The following LRRC4C variants were observed in gnomAD, a reference collection of about 807,000 sequenced individuals.
The protein encoded by LRRC4C is leucine-rich repeat-containing protein 4C.
Under a neutral mutation model 33.6 loss-of-function variants are expected in LRRC4C, and 5 were observed. The ratio of observed to expected loss-of-function variants is 0.15; its 90% CI spans 0.08 to 0.31. The LOEUF (loss-of-function observed/expected upper bound fraction) is 0.31, where lower values mean the gene tolerates loss of function less well. LRRC4C is among the 10% of genes least tolerant of loss of function. The probability of loss-of-function intolerance (pLI) is 1.00; values close to 1 mark genes in which losing one functional copy is unlikely to be tolerated. For missense variants in LRRC4C, 560 were observed against 796.7 expected (o/e 0.70, Z 3.58); for synonymous variants, 329 against 302.0 (o/e 1.09, Z -0.93).
At chr11:41,440,338 C>T (rs1399976353) in intron 1 of LRRC4C, among the ~76,000 whole-genome samples, 2 of 152,076 alleles carry the variant, frequency 1.3e-5, no homozygotes, top group South Asian at 4.1e-4. Flanking sequence ...AAATTACTGA[C>T]ATGGCATAAT....
chr11:40,729,919 T>C (rs919426719), intron 2 of LRRC4C, among the ~76,000 whole-genome samples: 3 of 152,146 alleles, frequency 2.0e-5, no homozygotes, highest in Non-Finnish European at 4.4e-5. Context: ...TGGAATACTA[T>C]GCAGCCATAA....
At chr11:41,346,610 T>A (rs542045040) in intron 1 of LRRC4C, among the ~76,000 whole-genome samples, 5 of 152,290 alleles carry the variant, frequency 3.3e-5, no homozygotes, top group African/African-American at 4.8e-5. Context: ...GTATAAGATA[T>A]CCTAGAAGAA....
At chr11:40,245,122 C>T (rs772476008) in intron 4 of LRRC4C, among the ~76,000 whole-genome samples, 3 of 152,090 alleles carry the variant, frequency 2.0e-5, no homozygotes, top group Admixed American at 6.6e-5. Context: ...CAAAATTGAC[C>T]GGATCTTCAT....
chr11:41,120,153 C>G (rs1488140228), intron 1 of LRRC4C, among the ~76,000 whole-genome samples: 1 of 152,062 alleles, frequency 6.6e-6, no homozygotes, highest in Non-Finnish European at 1.5e-5. Flanking sequence ...TACTAAAACT[C>G]AGAAAATGAC....
chr11:41,452,207 C>G (rs1956049665), intron 1 of LRRC4C, among the ~76,000 whole-genome samples: 1 of 152,070 alleles, frequency 6.6e-6, no homozygotes, highest in Non-Finnish European at 1.5e-5. Flanking sequence ...ACACCCTGCA[C>G]CATTGTGTGC....
intron 1 of LRRC4C, among the ~76,000 whole-genome samples, chr11:41,211,951 T>G (rs1327036824): frequency 6.6e-6 from 1 of 152,192 alleles, no homozygotes. Flanking sequence ...CCACCAACAG[T>G]GTAAAAGTGT....
chr11:41,070,425 A>G (rs7117777), intron 1 of LRRC4C, among the ~76,000 whole-genome samples: 4,886 of 152,288 alleles, frequency 0.032, 187 homozygotes, highest in African/African-American at 0.095. Flanking sequence ...ATGGGATCAA[A>G]TTAAACTAAA....
At chr11:40,325,702 A>G (rs962016136) in intron 3 of LRRC4C, among the ~76,000 whole-genome samples, 1 of 152,080 alleles carries the variant, frequency 6.6e-6, no homozygotes, top group Non-Finnish European at 1.5e-5. Context: ...AGCTACTAAC[A>G]CTTATTTTTT....
intron 3 of LRRC4C, among the ~76,000 whole-genome samples, chr11:40,442,143 A>C (rs1048279278): frequency 7.2e-6 from 1 of 138,000 alleles, no homozygotes; most frequent in East Asian, 2.2e-4. Flanking sequence ...AGCCTGGGTG[A>C]CAGAGCCAGA....
intron 3 of LRRC4C, among the ~76,000 whole-genome samples, chr11:40,491,883 G>T (rs566259219): frequency 1.3e-5 from 2 of 152,266 alleles, no homozygotes; most frequent in South Asian, 4.1e-4. Context: ...TACACCAGGA[G>T]ACAGGAAACT....
chr11:40,265,209 C>A (rs1942159697), intron 4 of LRRC4C, among the ~76,000 whole-genome samples: 1 of 151,982 alleles, frequency 6.6e-6, no homozygotes, highest in African/African-American at 2.4e-5. Flanking sequence ...ATGTTTTTTC[C>A]CTGAGTAGGC....
chr11:40,949,156 T>A (rs1958570896), intron 1 of LRRC4C, among the ~76,000 whole-genome samples: 1 of 152,204 alleles, frequency 6.6e-6, no homozygotes, highest in African/African-American at 2.4e-5. Flanking sequence ...TTTGGCTGCA[T>A]AAATGTCTTC....
intron 3 of LRRC4C, among the ~76,000 whole-genome samples, chr11:40,500,875 G>A (rs1954732108): frequency 6.6e-6 from 1 of 152,014 alleles, no homozygotes; most frequent in Non-Finnish European, 1.5e-5. Context: ...TAACTCAAAA[G>A]TTCACAGTCC....
chr11:40,336,254 C>A (rs771763876), intron 3 of LRRC4C, among the ~76,000 whole-genome samples: 4 of 152,134 alleles, frequency 2.6e-5, no homozygotes, highest in African/African-American at 9.7e-5. Context: ...CGCGGAACTG[C>A]ATATCCCAGT....
chr11:40,901,327 T>A (rs1471610007), intron 2 of LRRC4C, among the ~76,000 whole-genome samples: 1 of 152,072 alleles, frequency 6.6e-6, no homozygotes, highest in Admixed American at 6.6e-5. Context: ...GAAGTATAAC[T>A]CCAAGGGCTA....
At chr11:40,139,803 C>T (rs1565041169) in intron 6 of LRRC4C, among the ~76,000 whole-genome samples, 1 of 152,130 alleles carries the variant, frequency 6.6e-6, no homozygotes, top group South Asian at 2.1e-4. Flanking sequence ...AAGAAAATAG[C>T]TTCAGATTAG....
At chr11:40,435,910 T>C (rs1415826327) in intron 3 of LRRC4C, among the ~76,000 whole-genome samples, 1 of 152,154 alleles carries the variant, frequency 6.6e-6, no homozygotes, top group East Asian at 1.9e-4. Flanking sequence ...CTTTCTGTGC[T>C]CCTCTGAGCT....
chr11:41,385,716 A>G (rs1953335491), intron 1 of LRRC4C, among the ~76,000 whole-genome samples: 1 of 151,570 alleles, frequency 6.6e-6, no homozygotes, highest in Non-Finnish European at 1.5e-5. Context: ...ACAAAATAAT[A>G]TAAAAGAAAG....
At chr11:41,180,780 C>T (rs1945411359) in intron 1 of LRRC4C, among the ~76,000 whole-genome samples, 1 of 151,982 alleles carries the variant, frequency 6.6e-6, no homozygotes, top group Non-Finnish European at 1.5e-5. Context: ...AGATCTCTGT[C>T]CTGTTAGCTA....
Sources: allele counts gnomAD v4.1 joint callset (sites outside exome capture counted in the v4.1 genomes callset), GRCh38; gene constraint gnomAD v4.1.1; transcripts MANE v1.5; gene names NCBI Gene and HGNC (gene_info 2026-07-23, HGNC 2026-07-21).